ADGRL3: variants seen among roughly 807,000 people sequenced by gnomAD.
ADGRL3 encodes the protein adhesion G protein-coupled receptor L3.
Under a neutral mutation model 153.5 loss-of-function variants are expected in ADGRL3, and 62 were observed. That is an observed-to-expected ratio of 0.40 (90% CI 0.33 to 0.50). The LOEUF (loss-of-function observed/expected upper bound fraction) is 0.50, where lower values mean the gene tolerates loss of function less well. ADGRL3 is among the 20% of genes least tolerant of loss of function. ADGRL3 has a pLI of 0.47. For missense variants in ADGRL3, 1,641 were observed against 1,859.4 expected, an observed-to-expected ratio of 0.88 and a Z score of 2.16; for synonymous variants, 710 against 672.5, an observed-to-expected ratio of 1.06 and a Z score of -0.86.
intron 1 of ADGRL3, among the ~76,000 whole-genome samples, chr4:61,230,784 G>A (rs1750286374): frequency 1.3e-5 from 2 of 152,160 alleles, no homozygotes; most frequent in South Asian, 4.1e-4. Flanking sequence ...GACAATATAT[G>A]ACATAGCACT....
chr4:61,648,749 C>T (rs991638914), intron 5 of ADGRL3, among the ~76,000 whole-genome samples: 6 of 151,900 alleles, frequency 3.9e-5, no homozygotes, highest in Non-Finnish European at 5.9e-5. Flanking sequence ...CTGCTGTGTG[C>T]CAGACACTGT....
intron 3 of ADGRL3, among the ~76,000 whole-genome samples, chr4:61,511,865 A>G (rs1318058026): frequency 6.6e-6 from 1 of 152,198 alleles, no homozygotes; most frequent in Non-Finnish European, 1.5e-5. Context: ...ATCTTTACTC[A>G]GGTGCTTGAA....
intron 2 of ADGRL3, among the ~76,000 whole-genome samples, chr4:61,486,352 G>T (rs1403047410): frequency 6.6e-6 from 1 of 152,014 alleles, no homozygotes; most frequent in Non-Finnish European, 1.5e-5. Context: ...ATCAAATCCT[G>T]GAATTCCATT....
chr4:61,775,572 A>G (rs2097138533), intron 8 of ADGRL3: 3 of 898,486 alleles, frequency 3.3e-6, no homozygotes, highest in East Asian at 4.8e-5. Flanking sequence ...TGTCAGTTTT[A>G]CAGAGGCCTA....
chr4:61,582,315 C>A (rs1163563717), intron 4 of ADGRL3, among the ~76,000 whole-genome samples: 2 of 151,972 alleles, frequency 1.3e-5, no homozygotes, highest in African/African-American at 4.8e-5. Context: ...CATGCTTTAG[C>A]TATTTATCCT....
intron 5 of ADGRL3, among the ~76,000 whole-genome samples, chr4:61,635,254 C>CTT (rs1228206389): frequency 6.6e-6 from 1 of 152,106 alleles, no homozygotes; most frequent in Admixed American, 6.5e-5. Flanking sequence ...TTGCAGAGTG[C>CTT]TAAAGCCTGA....
At chr4:62,014,832 C>T (rs1182911554) in intron 21 of ADGRL3, among the ~76,000 whole-genome samples, 1 of 152,156 alleles carries the variant, frequency 6.6e-6, no homozygotes, top group Non-Finnish European at 1.5e-5. Context: ...GAATGCCTAA[C>T]GTGTCACCAT....
chr4:61,748,386 G>A lies in ADGRL3; in HGVS notation c.1399+14832G>A, dbSNP rs1397045271. ...TTAAAGTTCATATGGAACCAAAAAA[G>A]AGCCTGCATTCCCAAGTCAATCCTA... On this transcript the variant is annotated intron_variant, in intron 8 of 26. Coordinates refer to ENST00000683033, the MANE Select transcript of ADGRL3 (RefSeq NM_001387552.1). Among the ~76,000 whole-genome samples the A allele has an allele frequency of 1.3e-3, 197 of 151,530 alleles. 1 individual carries two copies. Among genetic ancestry groups the A allele is most frequent in the African/African-American group, 4.6e-3 (187 of 41,086 alleles).
At chr4:61,350,329 A>G (rs986263751) in intron 1 of ADGRL3, among the ~76,000 whole-genome samples, 1 of 148,590 alleles carries the variant, frequency 6.7e-6, no homozygotes, top group African/African-American at 2.5e-5. Flanking sequence ...CCTCCCAAAA[A>G]CATTCTGATG....
chr4:61,374,607 A>G (rs1358791617), intron 1 of ADGRL3, among the ~76,000 whole-genome samples: 1 of 152,132 alleles, frequency 6.6e-6, no homozygotes. Context: ...GCGATGCACT[A>G]CAGGCAATGT....
At chr4:61,902,111 G>A (rs561850029) in intron 11 of ADGRL3, among the ~76,000 whole-genome samples, 2 of 152,138 alleles carry the variant, frequency 1.3e-5, no homozygotes, top group East Asian at 1.9e-4. Flanking sequence ...TAAACAGGGG[G>A]ATCAGAAAGA....
At chr4:61,459,825 G>C (rs2097789772) in intron 2 of ADGRL3, among the ~76,000 whole-genome samples, 2 of 151,778 alleles carry the variant, frequency 1.3e-5, no homozygotes, top group African/African-American at 4.8e-5. Flanking sequence ...TTTTCTTCTT[G>C]TAGTGCAACT....
At chr4:62,020,785 G>A (rs1049749863) in intron 21 of ADGRL3, among the ~76,000 whole-genome samples, 18 of 151,992 alleles carry the variant, frequency 1.2e-4, no homozygotes, top group Non-Finnish European at 1.8e-4. Context: ...GAACATTGCC[G>A]TCATATAGTG....
intron 2 of ADGRL3, among the ~76,000 whole-genome samples, chr4:61,428,859 C>A (rs1180355826): frequency 9.1e-6 from 1 of 110,254 alleles, no homozygotes; most frequent in African/African-American, 2.8e-5. Context: ...ATCTATCTAT[C>A]TATCTATCTA....
At chr4:61,865,474 A>G (rs2098391333) in intron 9 of ADGRL3, among the ~76,000 whole-genome samples, 1 of 152,206 alleles carries the variant, frequency 6.6e-6, no homozygotes, top group South Asian at 2.1e-4. Flanking sequence ...TTTCAAGACC[A>G]ATCATAAAAC....
Position 61,323,590 on chromosome 4 carries a change from A to G in ADGRL3, c.-239-59534A>G, listed in dbSNP as rs201506980. Among the ~76,000 whole-genome samples, 34 of 152,254 alleles carry G rather than the reference A, an allele frequency of 2.2e-4. 1 individual carries two copies. In the East Asian group the frequency reaches 6.4e-3, roughly 29 times the overall value. On this transcript the variant is annotated intron_variant, in intron 1 of 26. Coordinates refer to ENST00000683033, the MANE Select transcript of ADGRL3 (RefSeq NM_001387552.1). ...CACAAATCTCTAGGGCAGGGGCAAA[A>G]TGCTGCCAGTTTCTTTGCTAAAACA...
chr4:61,595,668 TG>T (rs1180190954), intron 5 of ADGRL3, among the ~76,000 whole-genome samples: 1 of 152,146 alleles, frequency 6.6e-6, no homozygotes, highest in Non-Finnish European at 1.5e-5. Flanking sequence ...CTGTGCCAGG[TG>T]GTGTCTTCCT....
intron 2 of ADGRL3, among the ~76,000 whole-genome samples, chr4:61,383,673 TAATAA>T (rs2096701081): frequency 6.6e-6 from 1 of 151,852 alleles, no homozygotes; most frequent in South Asian, 2.1e-4. Context: ...AAATATTAGG[TAATAA>T]AATATATTCT....
intron 1 of ADGRL3, among the ~76,000 whole-genome samples, chr4:61,266,113 C>T (rs920916777): frequency 4.0e-5 from 6 of 151,712 alleles, no homozygotes; most frequent in African/African-American, 1.2e-4. Context: ...TTTTTTTATA[C>T]TTTATAGTTA....
Sources: allele counts gnomAD v4.1 joint callset (sites outside exome capture counted in the v4.1 genomes callset), GRCh38; gene constraint gnomAD v4.1.1; transcripts MANE v1.5; gene names NCBI Gene and HGNC (gene_info 2026-07-23, HGNC 2026-07-21).